The following ADGRL3 variants were observed in gnomAD, a reference collection of about 807,000 sequenced individuals.
ADGRL3 encodes the protein adhesion G protein-coupled receptor L3.
Under a neutral mutation model 153.5 loss-of-function variants are expected in ADGRL3, and 62 were observed. That is an observed-to-expected ratio of 0.40 (90% CI 0.33 to 0.50). ADGRL3 has a LOEUF of 0.50. ADGRL3 is among the 20% of genes least tolerant of loss of function. The pLI, the probability that ADGRL3 is intolerant of heterozygous loss-of-function variation, is 0.47. For missense variants in ADGRL3, 1,641 were observed against 1,859.4 expected (o/e 0.88, Z 2.16); for synonymous variants, 710 against 672.5 (o/e 1.06, Z -0.86).
intron 5 of ADGRL3, among the ~76,000 whole-genome samples, chr4:61,623,268 A>G (rs915516955): frequency 6.6e-6 from 1 of 152,048 alleles, no homozygotes; most frequent in East Asian, 1.9e-4. Flanking sequence ...TTAACCGTAC[A>G]CACTGTCCTG....
intron 2 of ADGRL3, among the ~76,000 whole-genome samples, chr4:61,428,967 A>C: frequency 6.6e-6 from 1 of 151,678 alleles, no homozygotes; most frequent in Admixed American, 6.6e-5. Flanking sequence ...ATATATGTGT[A>C]TCTTATATAA....
rs1245455364 is a variant in ADGRL3 at position 62,007,373 on chromosome 4, T to TATATATATATATATATATAC, written c.3395+9119_3395+9120insTATATATACATATATATATA. Among the ~76,000 whole-genome samples, 12 of 8,312 alleles carry TATATATATATATATATATAC rather than the reference T, an allele frequency of 1.4e-3. 1 individual carries two copies. The Admixed American group carries it at 0.019, about 13-fold the overall frequency. The allele number at this position is 8,312 out of a possible 152,430, so 5.5% of individuals were successfully genotyped here. A position where few individuals can be genotyped will look rare whatever the true frequency, so the allele number is the denominator to read the frequency against. On this transcript the variant is annotated intron_variant, in intron 21 of 26. Coordinates refer to ENST00000683033, the MANE Select transcript of ADGRL3 (RefSeq NM_001387552.1). ...CAAAATGATTATATATATATATATA[T>TATATATATATATATATATAC]ATATATATATACACACACACACATA...
chr4:61,200,601 C>T lies in ADGRL3; in HGVS notation c.-1404C>T, dbSNP rs55772290. On this transcript the variant is annotated 5_prime_UTR_variant, in exon 1 of 27. Coordinates refer to ENST00000683033, the MANE Select transcript of ADGRL3 (RefSeq NM_001387552.1). ...GCCGCCGCCACCGCCGCCTGTGACT[C>T]GCCCCCTCCCCTTTCTTTCTTCTCT... 0.029 allele frequency among the ~76,000 whole-genome samples: 4,429 copies of T among 151,434 alleles called. 78 individuals are homozygous for T. The highest frequency in any genetic ancestry group is 0.042 in the Non-Finnish European group (2,839 of 67,804).
At chr4:61,738,902 C>T (rs1374247540) in intron 8 of ADGRL3, among the ~76,000 whole-genome samples, 2 of 152,018 alleles carry the variant, frequency 1.3e-5, no homozygotes, top group East Asian at 1.9e-4. Flanking sequence ...TGAAAAAAAT[C>T]GTTAATTGGC....
intron 5 of ADGRL3, among the ~76,000 whole-genome samples, chr4:61,607,089 A>G (rs1285212421): frequency 6.6e-6 from 1 of 152,136 alleles, no homozygotes; most frequent in Non-Finnish European, 1.5e-5. Context: ...CCAAAGACTC[A>G]GAGGTTAGGG....
At chr4:61,776,649 A>G (rs778216735) in intron 8 of ADGRL3, among the ~76,000 whole-genome samples, 1 of 152,194 alleles carries the variant, frequency 6.6e-6, no homozygotes, top group Non-Finnish European at 1.5e-5. Flanking sequence ...GTACATAATG[A>G]AAAGTATCTT....
chr4:61,468,927 T>A (rs2097914447), intron 2 of ADGRL3, among the ~76,000 whole-genome samples: 1 of 152,130 alleles, frequency 6.6e-6, no homozygotes, highest in African/African-American at 2.4e-5. Flanking sequence ...GTTAATAAAG[T>A]ATATATACAA....
rs534757975 is a variant in ADGRL3, at chr4:61,352,520, G to A, written c.-239-30604G>A. Among the ~76,000 whole-genome samples, 83 of 151,994 alleles carry A rather than the reference G, an allele frequency of 5.5e-4. 1 individual carries two copies. The highest frequency in any genetic ancestry group is 1.1e-3 in the Non-Finnish European group (72 of 67,986). On this transcript the variant is annotated intron_variant, in intron 1 of 26. Coordinates refer to ENST00000683033, the MANE Select transcript of ADGRL3 (RefSeq NM_001387552.1). ...CTGCCTCAGCCTCCCGAGTAGCTGG[G>A]ATTACAGGCACGCAACACCACCCCT...
At chr4:61,401,546 T>C (rs989634094) in intron 2 of ADGRL3, among the ~76,000 whole-genome samples, 2 of 152,010 alleles carry the variant, frequency 1.3e-5, no homozygotes, top group Admixed American at 6.6e-5. Flanking sequence ...ATAGAGCTTT[T>C]TGGGTAAGAG....
At position 61,754,726 on chromosome 4, in the gene ADGRL3, C is replaced by T. The variant is rs554624752; in HGVS notation, c.1399+21172C>T. On this transcript the variant is annotated intron_variant, in intron 8 of 26. Coordinates refer to ENST00000683033, the MANE Select transcript of ADGRL3 (RefSeq NM_001387552.1). ...GTTGGTGCGCTGCACCCATTAACTC[C>T]TCATTTAACCTTAGGTATATCTCCT... 1.7e-3 allele frequency among the ~76,000 whole-genome samples: 264 copies of T among 152,152 alleles called. 1 individual carries two copies. The highest frequency in any genetic ancestry group is 5.8e-3 in the African/African-American group (241 of 41,524).
intron 21 of ADGRL3, among the ~76,000 whole-genome samples, chr4:62,028,160 A>T (rs1428689727): frequency 1.3e-5 from 2 of 151,834 alleles, no homozygotes; most frequent in Non-Finnish European, 2.9e-5. Context: ...TTGATCCAAA[A>T]CATTCCTTAT....
chr4:61,373,446 G>T (rs551004250), intron 1 of ADGRL3, among the ~76,000 whole-genome samples: 1 of 152,206 alleles, frequency 6.6e-6, no homozygotes, highest in African/African-American at 2.4e-5. Flanking sequence ...ATATGAATTT[G>T]AGAATTTAAC....
intron 8 of ADGRL3, among the ~76,000 whole-genome samples, chr4:61,750,148 A>T (rs1001417788): frequency 1.4e-5 from 2 of 147,528 alleles, no homozygotes; most frequent in African/African-American, 5.0e-5. Flanking sequence ...AGTCTATTGA[A>T]AACAAATTGA....
chr4:61,903,761 A>C, intron 11 of ADGRL3, among the ~76,000 whole-genome samples: 1 of 150,766 alleles, frequency 6.6e-6, no homozygotes, highest in East Asian at 2.0e-4. Flanking sequence ...TTTTTACTAT[A>C]AACATATTTA....
chr4:61,702,233 A>G (rs1012183785), intron 6 of ADGRL3, among the ~76,000 whole-genome samples: 1 of 152,030 alleles, frequency 6.6e-6, no homozygotes, highest in Non-Finnish European at 1.5e-5. Flanking sequence ...TCTCCAGACT[A>G]GTTGTCCTTA....
chr4:61,558,343 AG>A (rs1414578561), intron 4 of ADGRL3, among the ~76,000 whole-genome samples: 2 of 151,414 alleles, frequency 1.3e-5, no homozygotes, highest in African/African-American at 4.8e-5. Context: ...GGACTTTTCT[AG>A]TCTGCATTGG....
intron 8 of ADGRL3, among the ~76,000 whole-genome samples, chr4:61,771,866 AC>A (rs879477337): frequency 1.3e-5 from 2 of 152,198 alleles, no homozygotes; most frequent in Non-Finnish European, 2.9e-5. Context: ...CAGTGCCACT[AC>A]CAAAGATAGA....
intron 2 of ADGRL3, among the ~76,000 whole-genome samples, chr4:61,456,482 TATATAG>T (rs1560665487): frequency 7.9e-6 from 1 of 126,258 alleles, no homozygotes; most frequent in African/African-American, 3.0e-5. Flanking sequence ...TATATCTATA[TATATAG>T]ATATATCTAT....
Position 62,076,347 on chromosome 4 carries a change from T to C in ADGRL3, c.*5439T>C, listed in dbSNP as rs967708397. ...TTTCAAAGGTAAATGCAAACTAATTTTTAGGAAGGCTTGTGAAAGAACTTT... is the reference window on the plus strand; with the variant it reads ...TTTCAAAGGTAAATGCAAACTAATTCTTAGGAAGGCTTGTGAAAGAACTTT... On this transcript the variant is annotated 3_prime_UTR_variant, in exon 27 of 27. Transcript: ENST00000683033. 1.3e-5 allele frequency: 2 copies of C among 152,050 alleles called. No homozygotes were observed. Among genetic ancestry groups the C allele is most frequent in the African/African-American group, 4.8e-5 (2 of 41,440 alleles). The allele number at this position is 152,050 out of a possible 1,614,324, so 9.4% of individuals were successfully genotyped here. A position where few individuals can be genotyped will look rare whatever the true frequency, so the allele number is the denominator to read the frequency against.
Sources: gnomAD v4.1 joint callset for allele counts (sites outside exome capture counted in the v4.1 genomes callset) on GRCh38, gnomAD v4.1.1 for gene constraint, MANE v1.5 for transcripts, NCBI Gene and HGNC (gene_info 2026-07-23, HGNC 2026-07-21) for gene names.